Variants in LAX1 observed in about 807,000 individuals in gnomAD.
LAX1 encodes lymphocyte transmembrane adapter 1.
A neutral mutation model predicts 20.7 loss-of-function variants in LAX1; 17 were observed. The observed-to-expected ratio is 0.82, with a 90% CI of 0.56 to 1.23. The LOEUF is 1.23. Ranked by LOEUF, LAX1 falls within the 50% of genes most tolerant of loss-of-function variation. The pLI is 0.00. For missense variants in LAX1, 470 were observed against 487.0 expected, an observed-to-expected ratio of 0.97 and a Z score of 0.33; for synonymous variants, 165 against 181.0, an observed-to-expected ratio of 0.91 and a Z score of 0.71.
At chr1:203,768,997 T>C (rs890526294) in intron 1 of LAX1, among the ~76,000 whole-genome samples, 2 of 152,036 alleles carry the variant, frequency 1.3e-5, no homozygotes, top group African/African-American at 2.4e-5. Flanking sequence ...CATTAGATTA[T>C]GGGAAACACC....
In LAX1 at chr1:203,771,407, G is replaced by A. The variant is rs768539475; in HGVS notation, c.240G>A (p.Leu80=). 6.2e-7 allele frequency: 1 copy of A among 1,613,972 alleles called. No homozygotes were observed. Among genetic ancestry groups the A allele is most frequent in the Non-Finnish European group, 8.5e-7 (1 of 1,179,902 alleles). Residue 80 remains leucine, a synonymous_variant, in exon 3 of 5, where the codon CTG becomes CTA. Coordinates refer to ENST00000442561, the MANE Select transcript of LAX1 (RefSeq NM_017773.4). Reference sequence around the variant, plus strand: ...TCCGAGTTACCGTCATGCCCTTGCTGACTTTGCCACAAACCAGACAAAGAG... The same window carrying A: ...TCCGAGTTACCGTCATGCCCTTGCTAACTTTGCCACAAACCAGACAAAGAG... ...PYLRVTVMPL[L]TLPQTRQRAK... is the part of the protein sequence containing the mutation.
chr1:203,765,628 G>T lies in LAX1; in HGVS notation c.63G>T (p.Leu21=). 2 of 1,614,138 alleles carry T rather than the reference G, an allele frequency of 1.2e-6. No homozygotes were observed. The highest frequency in any genetic ancestry group is 1.7e-6 in the Non-Finnish European group (2 of 1,180,024). Residue 21 remains leucine, a synonymous_variant, in exon 1 of 5, where the codon CTG becomes CTT. Transcript: ENST00000442561. ...IRGRTLESST[L]HVTPRSLDRN... ...GGAGGACCTTGGAGTCCAGCACTCT[G>T]CATGTGACTCCCCGCAGCCTGGACA...
In LAX1 at chr1:203,774,015, A is replaced by G. The variant is rs781566667; in HGVS notation, c.531A>G (p.Arg177=). The G allele has an allele frequency of 6.2e-7, 1 of 1,613,996 alleles. No individual in the cohort carries two copies. The highest frequency in any genetic ancestry group is 8.5e-7 in the Non-Finnish European group (1 of 1,179,992). Residue 177 remains arginine, a synonymous_variant, in exon 5 of 5, where the codon AGA becomes AGG. Transcript: ENST00000442561. ...CCTCGGCACACTGCATCAATGTCAG[A>G]GCTTCCAGAGACTGCGCAAGCATTT... ...LTPSAHCINV[R]ASRDCASISS... is the part of the protein sequence containing the mutation.
rs1192385488 is a variant in LAX1, at chr1:203,765,486, T to G, written c.-80T>G. 2 of 1,588,980 alleles carry G rather than the reference T, an allele frequency of 1.3e-6. No homozygotes were observed. Among genetic ancestry groups the G allele is most frequent in the Non-Finnish European group, 1.7e-6 (2 of 1,165,778 alleles). On this transcript the variant is annotated 5_prime_UTR_variant, in exon 1 of 5. Transcript: ENST00000442561. The stretch of plus-strand genomic sequence containing the variant: ...TTGTTGCGGGGGTGGGGAGAAGTGG[T>G]AGACATGCTGGCTAACTGATTATGA...
chr1:203,772,076 G>T lies in LAX1; in HGVS notation c.319G>T (p.Glu107Ter). 1 of 1,613,718 alleles carries T rather than the reference G, an allele frequency of 6.2e-7. No homozygotes were observed. The highest frequency in any genetic ancestry group is 1.1e-5 in the South Asian group (1 of 91,072). ...PWRQEDLGRH[E>*]SRSMRIFSTE... is the part of the protein sequence containing the mutation. ...GTTCTCTGTCCTTTCAGGGAGACAT[G>T]AGTCGAGGAGTATGCGCATTTTCAG... is the stretch of plus-strand genomic sequence containing the variant. The change falls in exon 4 of 5, where the codon GAG (glutamate) becomes TAG (stop). Residue 107 changes from glutamate to a stop codon, truncating the protein, a stop_gained. Transcript: ENST00000442561. LOFTEE classifies it high-confidence loss of function.
At chr1:203,771,916 T>A (rs1416156474) in intron 3 of LAX1, 152 bp from the exon 4 acceptor site, 10 of 652,688 alleles carry the variant, frequency 1.5e-5, no homozygotes, top group Non-Finnish European at 2.7e-5. Context: ...GTCATCCCCA[T>A]AACTCTGACC....
At chr1:203,771,996 G>A (rs1249972820) in intron 3 of LAX1, 72 bp from the exon 4 acceptor site, 7 of 1,216,372 alleles carry the variant, frequency 5.8e-6, no homozygotes, top group African/African-American at 1.5e-5. Context: ...CTTCATCCAT[G>A]ATGCAGGGAT....
chr1:203,765,819 TA>T (rs570875720), intron 1 of LAX1, among the ~76,000 whole-genome samples, 165 bp downstream of exon 1: 2 of 151,964 alleles, frequency 1.3e-5, no homozygotes, highest in South Asian at 2.1e-4. Context: ...TCAGGGGTGC[TA>T]GGGGGAAAGG....
intron 1 of LAX1, among the ~76,000 whole-genome samples, chr1:203,769,416 AGAAAGAAAGAAAGAAAGAAAGAAAGAAG>A (rs1202596127): frequency 4.3e-5 from 4 of 92,086 alleles, no homozygotes; most frequent in Admixed American, 1.1e-4. Context: ...AAAGAAAGAA[AGAAAGAAAGAAAGAAAGAAAGAAAGAAG>A]GAAAGAAAGA....
Position 203,772,956 on chromosome 1 carries a change from G to T in LAX1, c.390+809G>T, listed in dbSNP as rs376799408. ...CTCCCAAAGTGCTGAGATTACAGGTGTGAGCCACCATACCCTGCCAATTGA... is the reference window on the plus strand; with the variant it reads ...CTCCCAAAGTGCTGAGATTACAGGTTTGAGCCACCATACCCTGCCAATTGA... On this transcript the variant is annotated intron_variant, in intron 4 of 4. Transcript: ENST00000442561. 1.2e-4 allele frequency among the ~76,000 whole-genome samples: 18 copies of T among 152,262 alleles called. No individual in the cohort carries two copies. In the South Asian group the frequency reaches 3.5e-3, roughly 30 times the overall value.
chr1:203,768,899 G>T (rs1160294789), intron 1 of LAX1, among the ~76,000 whole-genome samples: 1 of 152,142 alleles, frequency 6.6e-6, no homozygotes, highest in African/African-American at 2.4e-5. Context: ...AATGCCCAGG[G>T]TAATGCAGCC....
chr1:203,769,771 T>TGGG, intron 1 of LAX1: 1 of 1,426 alleles, frequency 7.0e-4, no homozygotes, highest in Non-Finnish European at 1.9e-3. Context: ...CACAAATTGG[T>TGGG]GCGGGGGGGG....
chr1:203,765,253 C>G lies in LAX1; in HGVS notation c.-313C>G. 1 of 1,199,096 alleles carries G rather than the reference C, an allele frequency of 8.3e-7. No individual in the cohort carries two copies. Among genetic ancestry groups the G allele is most frequent in the Non-Finnish European group, 1.2e-6 (1 of 828,426 alleles). 74.3% of individuals were successfully genotyped at this position (1,199,096 alleles called of 1,614,324 possible). A position where few individuals can be genotyped will look rare whatever the true frequency, so the allele number is the denominator to read the frequency against. On this transcript the variant is annotated 5_prime_UTR_variant, in exon 1 of 5. Coordinates refer to ENST00000442561, the MANE Select transcript of LAX1 (RefSeq NM_017773.4). ...CTCTTGAGCCTCTTGGCAGTTTCCC[C>G]CTCTGTGCCCCTCACGTTTCCACCA...
intron 3 of LAX1, among the ~76,000 whole-genome samples, 170 bp from the exon 4 acceptor site, chr1:203,771,898 C>T (rs938906191): frequency 6.6e-6 from 1 of 152,156 alleles, no homozygotes. Context: ...GCTTCCGGTT[C>T]TCAGAGTGTC....
At chr1:203,766,684 T>C (rs922856833) in intron 1 of LAX1, among the ~76,000 whole-genome samples, 1 of 152,210 alleles carries the variant, frequency 6.6e-6, no homozygotes, top group Non-Finnish European at 1.5e-5. Context: ...CCTGTTGTTT[T>C]GAAATATGTA....
At chr1:203,767,738 G>T (rs1667328368) in intron 1 of LAX1, among the ~76,000 whole-genome samples, 1 of 151,980 alleles carries the variant, frequency 6.6e-6, no homozygotes, top group African/African-American at 2.4e-5. Context: ...ATTTATCAGG[G>T]CCCTACTAAG....
At chr1:203,768,462 A>G (rs1013565253) in intron 1 of LAX1, among the ~76,000 whole-genome samples, 5 of 152,210 alleles carry the variant, frequency 3.3e-5, no homozygotes, top group Non-Finnish European at 5.9e-5. Context: ...AGAGGGACTC[A>G]GCCATGCAGA....
chr1:203,772,452 G>A (rs1295803731), intron 4 of LAX1, among the ~76,000 whole-genome samples: 2 of 152,092 alleles, frequency 1.3e-5, no homozygotes, highest in African/African-American at 4.8e-5. Flanking sequence ...TTTTGAGATG[G>A]AGTCTTGTTC....
chr1:203,771,335 C>T, intron 2 of LAX1, 32 bp from the exon 3 acceptor site: 1 of 1,342,620 alleles, frequency 7.4e-7, no homozygotes, highest in Non-Finnish European at 1.1e-6. Flanking sequence ...CTGACCCCCG[C>T]CATGACTCCC....
Sources: gnomAD v4.1 joint callset for allele counts (sites outside exome capture counted in the v4.1 genomes callset) on GRCh38, gnomAD v4.1.1 for gene constraint, MANE v1.5 for transcripts, NCBI Gene and HGNC (gene_info 2026-07-23, HGNC 2026-07-21) for gene names.